PPARA: variants seen among roughly 807,000 people sequenced by gnomAD.
PPARA encodes peroxisome proliferator activated receptor alpha, also known as peroxisome proliferator-activated receptor alpha.
In PPARA, 22 loss-of-function variants were observed where a neutral mutation model predicts 42.2. The observed-to-expected ratio is 0.52, with a 90% CI of 0.37 to 0.74. The LOEUF is 0.74. Ranked by LOEUF, PPARA falls within the 30% of genes least tolerant of loss-of-function variation. PPARA has a pLI of 0.00. For synonymous variants in PPARA, 242 were observed against 239.3 expected (o/e 1.01, Z -0.10); for missense variants, 465 against 608.2 (o/e 0.76, Z 2.48).
chr22:46,228,989 C>A (rs1390618403), intron 7 of PPARA, among the ~76,000 whole-genome samples: 1 of 151,902 alleles, frequency 6.6e-6, no homozygotes, highest in Non-Finnish European at 1.5e-5. Context: ...CGCCTGTAGT[C>A]CCAGCTACTG....
At chr22:46,214,665 C>T (rs765802183) in intron 4 of PPARA, among the ~76,000 whole-genome samples, 56 of 133,818 alleles carry the variant, frequency 4.2e-4, no homozygotes, top group Non-Finnish European at 6.9e-4. Flanking sequence ...TCCACGGGTC[C>T]GGAGACGCGC....
intron 4 of PPARA, among the ~76,000 whole-genome samples, chr22:46,213,787 C>T (rs1934175957): frequency 6.6e-6 from 1 of 152,172 alleles, no homozygotes; most frequent in African/African-American, 2.4e-5. Context: ...GACGGAGTTT[C>T]ACCGTGTTAG....
In PPARA at chr22:46,180,461, C is replaced by G. The variant is rs1281869410; in HGVS notation, c.-43+3625C>G. ...TCCTTGTGTGAAACATTAATCTTATCTAGCCTCCATGTATTTTGTAAGTTC... is the reference window on the plus strand; with the variant it reads ...TCCTTGTGTGAAACATTAATCTTATGTAGCCTCCATGTATTTTGTAAGTTC... On this transcript the variant is annotated intron_variant, in intron 3 of 8. Transcript: ENST00000407236. This position sits in a 1 kb window ranked among gnomAD's most constrained non-coding sequence, Gnocchi z 4.2. Among the ~76,000 whole-genome samples, 1 of 152,162 alleles carries G rather than the reference C, an allele frequency of 6.6e-6. No homozygotes were observed. Among genetic ancestry groups the G allele is most frequent in the Non-Finnish European group, 1.5e-5 (1 of 68,026 alleles).
chr22:46,162,948 C>T lies in PPARA; in HGVS notation c.-127+10978C>T, dbSNP rs539821818. On this transcript the variant is annotated intron_variant, in intron 2 of 8. Transcript: ENST00000407236. This position sits in a 1 kb window ranked among gnomAD's most constrained non-coding sequence, Gnocchi z 6.0. ...TTATTCAGCAAATATTTACTGAGCACGTACTGCGTGCCAGGCACTGTCCTG... is the reference window on the plus strand; with the variant it reads ...TTATTCAGCAAATATTTACTGAGCATGTACTGCGTGCCAGGCACTGTCCTG... Among the ~76,000 whole-genome samples the T allele has an allele frequency of 2.0e-5, 3 of 152,346 alleles. No homozygotes were observed. The highest frequency in any genetic ancestry group is 2.1e-4 in the South Asian group (1 of 4,832).
At chr22:46,220,225 C>A in intron 7 of PPARA, 1 of 640,746 alleles carries the variant, frequency 1.6e-6, no homozygotes, top group Non-Finnish European at 2.7e-6. Context: ...CCTCAAAGCT[C>A]TTAGCAACTA....
At chr22:46,215,144 A>G (rs375654498) in intron 4 of PPARA, 29 bp from the exon 5 acceptor site, 10 of 1,610,894 alleles carry the variant, frequency 6.2e-6, no homozygotes, top group Middle Eastern at 1.9e-4. Context: ...TGCCTGGACT[A>G]TTCATCCGTC....
rs182691962 is a variant in PPARA, at chr22:46,224,462, T to C, written c.711+4448T>C. Among the ~76,000 whole-genome samples, 2 of 152,172 alleles carry C rather than the reference T, an allele frequency of 1.3e-5. 1 individual carries two copies. Among genetic ancestry groups the C allele is most frequent in the African/African-American group, 4.8e-5 (2 of 41,532 alleles). On this transcript the variant is annotated intron_variant, in intron 7 of 8. Coordinates refer to ENST00000407236, the MANE Select transcript of PPARA (RefSeq NM_005036.6). This position sits in a 1 kb window ranked among gnomAD's most constrained non-coding sequence, Gnocchi z 5.7. Reference sequence around the variant, plus strand: ...ACCCCATCTGTGGGCAAGAAATCTGTTAGGGAGACCAAGCAGCGGCCTGGA... The same window carrying C: ...ACCCCATCTGTGGGCAAGAAATCTGCTAGGGAGACCAAGCAGCGGCCTGGA...
chr22:46,217,991 C>T (rs1372901126), intron 5 of PPARA, among the ~76,000 whole-genome samples: 6 of 151,612 alleles, frequency 4.0e-5, no homozygotes, highest in South Asian at 4.2e-4. Flanking sequence ...TCACCATGCC[C>T]GGCTAATTTT....
At chr22:46,168,065 G>T (rs529810935) in intron 2 of PPARA, among the ~76,000 whole-genome samples, 7 of 149,846 alleles carry the variant, frequency 4.7e-5, no homozygotes, top group African/African-American at 1.7e-4. Flanking sequence ...TCTTAAAGAA[G>T]AAAGCGACCG....
rs552641997 is a variant in PPARA, at chr22:46,194,000, G to A, written c.-42-4342G>A. On this transcript the variant is annotated intron_variant, in intron 3 of 8. Coordinates refer to ENST00000407236, the MANE Select transcript of PPARA (RefSeq NM_005036.6). The surrounding 1 kb of genome is among the most constrained non-coding windows in gnomAD (Gnocchi z 5.3). ...TCATGTGGGTAATAGGAAGGGGTGG[G>A]GACTTCCCCGGGATATTCTGCTCCT... Among the ~76,000 whole-genome samples the A allele has an allele frequency of 1.4e-4, 22 of 152,218 alleles. No individual in the cohort carries two copies. Among genetic ancestry groups the A allele is most frequent in the Non-Finnish European group, 2.8e-4 (19 of 68,032 alleles).
chr22:46,200,647 G>A lies in PPARA; in HGVS notation c.208+2056G>A, dbSNP rs1282804425. ...ATTAAGTAACTTGGCTGGGCGCAGT[G>A]GCTCACGCCTGTAATCCCAACACTT... On this transcript the variant is annotated intron_variant, in intron 4 of 8. Transcript: ENST00000407236. This position sits in a 1 kb window ranked among gnomAD's most constrained non-coding sequence, Gnocchi z 4.8. Among the ~76,000 whole-genome samples, 2 of 152,272 alleles carry A rather than the reference G, an allele frequency of 1.3e-5. No individual in the cohort carries two copies. The highest frequency in any genetic ancestry group is 3.8e-4 in the East Asian group (2 of 5,206).
Position 46,160,662 on chromosome 22 carries a change from G to T in PPARA, c.-127+8692G>T, listed in dbSNP as rs1488830525. Among the ~76,000 whole-genome samples, 1 of 152,136 alleles carries T rather than the reference G, an allele frequency of 6.6e-6. No individual in the cohort carries two copies. The highest frequency in any genetic ancestry group is 2.1e-4 in the South Asian group (1 of 4,826). On this transcript the variant is annotated intron_variant, in intron 2 of 8. Coordinates refer to ENST00000407236, the MANE Select transcript of PPARA (RefSeq NM_005036.6). This position sits in a 1 kb window ranked among gnomAD's most constrained non-coding sequence, Gnocchi z 4.5. Reference sequence around the variant, plus strand: ...TGTCACCAGGCTGGAGTGCAGTGGTGTGATCTCAGCTCACTGCAACCTCCA... The same window carrying T: ...TGTCACCAGGCTGGAGTGCAGTGGTTTGATCTCAGCTCACTGCAACCTCCA...
intron 2 of PPARA, among the ~76,000 whole-genome samples, chr22:46,172,318 T>TTA (rs1274201446): frequency 8.4e-6 from 1 of 119,580 alleles, no homozygotes; most frequent in Non-Finnish European, 1.7e-5. Flanking sequence ...TGCAAGTAAT[T>TTA]AAAAAAAAAA....
At position 46,212,223 on chromosome 22, in the gene PPARA, A is replaced by G. The variant is rs4253720; in HGVS notation, c.209-2950A>G. ...AGGTGCACACCGCTGAGCCCAGCAA[A>G]TTTTTGTATTTTTTGTAAAGATAGG... On this transcript the variant is annotated intron_variant, in intron 4 of 8. Coordinates refer to ENST00000407236, the MANE Select transcript of PPARA (RefSeq NM_005036.6). This position sits in a 1 kb window ranked among gnomAD's most constrained non-coding sequence, Gnocchi z 4.2. 0.026 allele frequency among the ~76,000 whole-genome samples: 3,967 copies of G among 151,198 alleles called. 183 individuals are homozygous for G. The highest frequency in any genetic ancestry group is 0.092 in the African/African-American group (3,768 of 41,174).
At chr22:46,185,916 A>T (rs6009111) in intron 3 of PPARA, among the ~76,000 whole-genome samples, 61 of 25,220 alleles carry the variant, frequency 2.4e-3, no homozygotes, top group African/African-American at 7.4e-3. Context: ...AAAAAAAAAA[A>T]ATATATATAT....
At chr22:46,202,475 G>A (rs531040303) in intron 4 of PPARA, among the ~76,000 whole-genome samples, 9 of 151,852 alleles carry the variant, frequency 5.9e-5, no homozygotes, top group African/African-American at 1.9e-4. Context: ...CGGTGGTCAC[G>A]TGTGTAATCC....
At position 46,228,498 on chromosome 22, in the gene PPARA, T is replaced by G. The variant is rs192009225; in HGVS notation, c.712-3294T>G. 2.0e-4 allele frequency among the ~76,000 whole-genome samples: 31 copies of G among 152,208 alleles called. No individual in the cohort carries two copies. The East Asian group carries it at 6.0e-3, about 29-fold the overall frequency. On this transcript the variant is annotated intron_variant, in intron 7 of 8. Coordinates refer to ENST00000407236, the MANE Select transcript of PPARA (RefSeq NM_005036.6). ...TTGCAGTGAGTCGAGATCACGCCAC[T>G]GCACTCCAGCCTGGGCAACAGAGCG... is the stretch of plus-strand genomic sequence containing the variant.
rs928320959 is a variant in PPARA at position 46,233,721 on chromosome 22, T to C, written c.1160-1412T>C. Among the ~76,000 whole-genome samples the C allele has an allele frequency of 1.3e-5, 2 of 152,230 alleles. No homozygotes were observed. Among genetic ancestry groups the C allele is most frequent in the Non-Finnish European group, 2.9e-5 (2 of 68,038 alleles). On this transcript the variant is annotated intron_variant, in intron 8 of 8. Transcript: ENST00000407236. The surrounding 1 kb of genome is among the most constrained non-coding windows in gnomAD (Gnocchi z 7.3). ...TTTTATAAAGGAAATTATAATCCTA[T>C]ATCAATCCTATGTATATAGAAAAAT... is the stretch of plus-strand genomic sequence containing the variant.
rs1601690035 is a variant in PPARA, at chr22:46,188,184, T to C, written c.-42-10158T>C. ...GAGCTCAGCCCAATTTGCTGACCCA[T>C]AGAATTGTGAACAAATAAAATGGTT... On this transcript the variant is annotated intron_variant, in intron 3 of 8. Coordinates refer to ENST00000407236, the MANE Select transcript of PPARA (RefSeq NM_005036.6). This position sits in a 1 kb window ranked among gnomAD's most constrained non-coding sequence, Gnocchi z 5.0. Among the ~76,000 whole-genome samples the C allele has an allele frequency of 6.6e-6, 1 of 152,198 alleles. No individual in the cohort carries two copies. The highest frequency in any genetic ancestry group is 2.4e-5 in the African/African-American group (1 of 41,450).
Sources: allele counts gnomAD v4.1 joint callset (sites outside exome capture counted in the v4.1 genomes callset), GRCh38; gene constraint gnomAD v4.1.1; non-coding constraint Gnocchi (gnomAD v3.1); transcripts MANE v1.5; gene names NCBI Gene and HGNC (gene_info 2026-07-23, HGNC 2026-07-21).